Variants in MDGA2 observed in about 807,000 individuals in gnomAD.
The protein encoded by MDGA2 is MAM domain-containing glycosylphosphatidylinositol anchor protein 2.
Under a neutral mutation model 117.8 loss-of-function variants are expected in MDGA2, and 40 were observed. The observed-to-expected ratio is 0.34, with a 90% CI of 0.26 to 0.44. The LOEUF (loss-of-function observed/expected upper bound fraction) is 0.44. Ranked by LOEUF, MDGA2 falls within the 20% of genes least tolerant of loss-of-function variation. The probability of loss-of-function intolerance (pLI) is 1.00; values close to 1 mark genes in which losing one functional copy is unlikely to be tolerated. For missense variants in MDGA2, 1,123 were observed against 1,250.6 expected (o/e 0.90, Z 1.54); for synonymous variants, 452 against 439.0 (o/e 1.03, Z -0.37).
chr14:47,339,354 G>T (rs1479211965), intron 1 of MDGA2, among the ~76,000 whole-genome samples: 1 of 152,084 alleles, frequency 6.6e-6, no homozygotes, highest in East Asian at 1.9e-4. Flanking sequence ...ATAGTATTCT[G>T]TAAATTATAC....
chr14:47,215,363 G>A (rs1886047806), intron 3 of MDGA2, among the ~76,000 whole-genome samples: 1 of 152,120 alleles, frequency 6.6e-6, no homozygotes, highest in East Asian at 1.9e-4. Flanking sequence ...TTAGACACCA[G>A]CATTGCCATA....
chr14:47,353,519 C>T (rs1388877583), intron 1 of MDGA2, among the ~76,000 whole-genome samples: 1 of 152,130 alleles, frequency 6.6e-6, no homozygotes, highest in Non-Finnish European at 1.5e-5. Flanking sequence ...AATATAATCA[C>T]ATTTCGAGAA....
chr14:47,301,029 T>C (rs2139811234), intron 2 of MDGA2, among the ~76,000 whole-genome samples: 1 of 152,252 alleles, frequency 6.6e-6, no homozygotes, highest in South Asian at 2.1e-4. Flanking sequence ...TCGGTTGCAA[T>C]TATGTCATCA....
intron 1 of MDGA2, among the ~76,000 whole-genome samples, chr14:47,375,122 T>C (rs1194456030): frequency 6.6e-6 from 1 of 151,758 alleles, no homozygotes; most frequent in South Asian, 2.1e-4. Flanking sequence ...ACTATAAAAA[T>C]AGTATCTACT....
At chr14:47,588,718 G>C (rs183030517) in intron 1 of MDGA2, among the ~76,000 whole-genome samples, 1 of 151,792 alleles carries the variant, frequency 6.6e-6, no homozygotes, top group Non-Finnish European at 1.5e-5. Flanking sequence ...AAGCACAAAT[G>C]GTTCAATTCT....
At chr14:47,209,020 A>G (rs1277872075) in intron 3 of MDGA2, among the ~76,000 whole-genome samples, 3 of 149,206 alleles carry the variant, frequency 2.0e-5, no homozygotes, top group East Asian at 3.9e-4. Context: ...CAACCTAGAA[A>G]TTAAATGCAC....
chr14:46,959,245 CTA>C (rs1180752542), intron 8 of MDGA2, among the ~76,000 whole-genome samples: 12 of 80,170 alleles, frequency 1.5e-4, no homozygotes, highest in Admixed American at 3.3e-4. Context: ...TCCAGCAATG[CTA>C]TATATGTGTG....
At chr14:47,404,052 AGG>A (rs1329174685) in intron 1 of MDGA2, among the ~76,000 whole-genome samples, 5 of 152,110 alleles carry the variant, frequency 3.3e-5, no homozygotes, top group Non-Finnish European at 7.4e-5. Flanking sequence ...TCATTTCTGA[AGG>A]CTCCTGTGTC....
At chr14:47,209,630 G>A (rs1057247760) in intron 3 of MDGA2, among the ~76,000 whole-genome samples, 1 of 152,168 alleles carries the variant, frequency 6.6e-6, no homozygotes, top group Non-Finnish European at 1.5e-5. Flanking sequence ...AAACAGGTAT[G>A]TAATAGGATT....
intron 7 of MDGA2, among the ~76,000 whole-genome samples, chr14:47,043,807 T>C (rs1889161973): frequency 3.3e-5 from 5 of 152,120 alleles, no homozygotes. Flanking sequence ...TTCCTTCCTT[T>C]CTTCTCTTCA....
At chr14:47,259,363 A>G (rs1349092121) in intron 2 of MDGA2, among the ~76,000 whole-genome samples, 1 of 152,104 alleles carries the variant, frequency 6.6e-6, no homozygotes, top group African/African-American at 2.4e-5. Context: ...TGAAGCTTGT[A>G]CTTTAAAACA....
At chr14:47,133,228 CTA>C (rs1046794964) in intron 4 of MDGA2, among the ~76,000 whole-genome samples, 33 of 151,764 alleles carry the variant, frequency 2.2e-4, no homozygotes, top group South Asian at 1.0e-3. Context: ...ACACATAAAT[CTA>C]TATGTTTCTA....
chr14:47,012,587 C>T (rs1406304058), intron 8 of MDGA2, among the ~76,000 whole-genome samples: 5 of 152,020 alleles, frequency 3.3e-5, no homozygotes, highest in Non-Finnish European at 4.4e-5. Flanking sequence ...AAGTTTAAAC[C>T]AAATAGTGCA....
chr14:46,932,045 T>C (rs1219913581), intron 9 of MDGA2, among the ~76,000 whole-genome samples: 1 of 152,120 alleles, frequency 6.6e-6, no homozygotes, highest in Non-Finnish European at 1.5e-5. Context: ...CAATTAAGCT[T>C]TATGTTTTTT....
At position 46,955,831 on chromosome 14, in the gene MDGA2, T is replaced by C. The variant is rs1329161970; in HGVS notation, c.2089+1543A>G. 4.2e-5 allele frequency among the ~76,000 whole-genome samples: 6 copies of C among 142,336 alleles called. No individual in the cohort carries two copies. In the East Asian group the frequency reaches 8.2e-4, roughly 19 times the overall value. 93.4% of individuals were successfully genotyped at this position (142,336 alleles called of 152,430 possible). On this transcript the variant is annotated intron_variant, in intron 9 of 16. Transcript: ENST00000399232. ...GAAAAAATAAAATTTAAAATGTTTT[T>C]GGTTGAGTCTCAGAAGTAAACAGCA...
At chr14:47,041,753 A>C (rs562659358) in intron 7 of MDGA2, among the ~76,000 whole-genome samples, 138 of 152,188 alleles carry the variant, frequency 9.1e-4, no homozygotes, top group African/African-American at 3.0e-3. Context: ...CTTCATTGGG[A>C]AGGCAGCTGA....
rs933650835 is a variant in MDGA2, at chr14:46,899,048, G to A, written c.2239-16827C>T. Among the ~76,000 whole-genome samples the A allele has an allele frequency of 5.9e-5, 9 of 151,976 alleles. No individual in the cohort carries two copies. The East Asian group carries it at 9.6e-4, about 16-fold the overall frequency. On this transcript the variant is annotated intron_variant, in intron 10 of 16. Transcript: ENST00000399232. Reference sequence around the variant, plus strand: ...TGAACCTAAGGGGAAAATCGCAGCCGCTAATGGAAAGGGGATTATGTCACA... The same window carrying A: ...TGAACCTAAGGGGAAAATCGCAGCCACTAATGGAAAGGGGATTATGTCACA...
At chr14:46,874,286 A>G (rs1388162323) in intron 12 of MDGA2, 86 bp from the exon 13 acceptor site, 1 of 605,756 alleles carries the variant, frequency 1.7e-6, no homozygotes, top group African/African-American at 1.9e-5. Flanking sequence ...AAAATATTAC[A>G]TAGCAATAAT....
intron 1 of MDGA2, among the ~76,000 whole-genome samples, chr14:47,597,862 AC>A (rs1896574683): frequency 6.6e-6 from 1 of 151,110 alleles, no homozygotes; most frequent in Non-Finnish European, 1.5e-5. Flanking sequence ...ACACACACAC[AC>A]ACACACACAC....
Sources: allele counts gnomAD v4.1 joint callset (sites outside exome capture counted in the v4.1 genomes callset), GRCh38; gene constraint gnomAD v4.1.1; transcripts MANE v1.5; gene names NCBI Gene and HGNC (gene_info 2026-07-23, HGNC 2026-07-21).